SEMA6D: variants seen among roughly 807,000 people sequenced by gnomAD.
The protein encoded by SEMA6D is semaphorin-6D.
In SEMA6D, 35 loss-of-function variants were observed where a neutral mutation model predicts 106.6. The ratio of observed to expected loss-of-function variants is 0.33; its 90% CI spans 0.25 to 0.44. The LOEUF (loss-of-function observed/expected upper bound fraction) is 0.44, where lower values mean the gene tolerates loss of function less well. Ranked by LOEUF, SEMA6D falls within the 20% of genes least tolerant of loss-of-function variation. SEMA6D has a pLI of 1.00. For missense variants in SEMA6D, 1,185 were observed against 1,345.9 expected (o/e 0.88, Z 1.87); for synonymous variants, 499 against 487.7 (o/e 1.02, Z -0.31).
intron 1 of SEMA6D, among the ~76,000 whole-genome samples, chr15:47,721,343 C>T (rs1184534585): frequency 1.3e-5 from 2 of 152,162 alleles, no homozygotes; most frequent in South Asian, 2.1e-4. Context: ...GTGTAATTCA[C>T]GCATTGAATC....
intron 4 of SEMA6D, among the ~76,000 whole-genome samples, chr15:47,633,904 C>CT (rs1369580112): frequency 6.6e-6 from 1 of 152,176 alleles, no homozygotes; most frequent in African/African-American, 2.4e-5. Context: ...CATCTCCACT[C>CT]TACTACTGAG....
At chr15:47,716,449 C>T (rs912752134), upstream of SEMA6D, among the ~76,000 whole-genome samples, 4 of 152,136 alleles carry the variant, frequency 2.6e-5, no homozygotes, top group African/African-American at 9.7e-5. Flanking sequence ...CTTTCTGCGC[C>T]CCTCTCTTCT....
intron 3 of SEMA6D, among the ~76,000 whole-genome samples, chr15:47,508,687 G>A (rs532416692): frequency 6.6e-6 from 1 of 152,344 alleles, no homozygotes; most frequent in East Asian, 1.9e-4. Flanking sequence ...TCAAATGCAA[G>A]TGTAACCTCA....
At chr15:47,730,791 T>C (rs1204301381) in intron 1 of SEMA6D, 4 of 1,592,580 alleles carry the variant, frequency 2.5e-6, no homozygotes, top group Non-Finnish European at 3.4e-6. Context: ...GGGTGAGGTC[T>C]CTTTTGGGCT....
At chr15:47,661,099 C>T (rs1329287187) in intron 4 of SEMA6D, among the ~76,000 whole-genome samples, 1 of 152,212 alleles carries the variant, frequency 6.6e-6, no homozygotes, top group Non-Finnish European at 1.5e-5. Context: ...CACCTTGTTT[C>T]TTGCACATTT....
chr15:47,277,622 A>C (rs920623695), intron 1 of SEMA6D, among the ~76,000 whole-genome samples: 224 of 111,104 alleles, frequency 2.0e-3, no homozygotes, highest in Non-Finnish European at 3.8e-3. Context: ...ATTTATTATT[A>C]TTATTATACT....
rs2082383005 is a variant in SEMA6D, at chr15:47,767,062, A to G, written c.1734A>G (p.Pro578=). The G allele has an allele frequency of 6.4e-7, 1 of 1,571,706 alleles. No individual in the cohort carries two copies. The highest frequency in any genetic ancestry group is 8.6e-7 in the Non-Finnish European group (1 of 1,158,164). The change falls in exon 17 of 19, where the codon CCA becomes CCG. Residue 578 remains proline, a synonymous_variant. Transcript: ENST00000536845. ...AAATTTTGCCTACTTCAACTACACC[A>G]GATTACAAAATATTTGGCGGTCCAA... The part of the protein sequence containing the change: ...CHEILPTSTT[P]DYKIFGGPTS...
chr15:47,492,860 G>A (rs1442247694), intron 3 of SEMA6D, among the ~76,000 whole-genome samples: 1 of 152,108 alleles, frequency 6.6e-6, no homozygotes. Flanking sequence ...ATTTTTGATA[G>A]TTGTCTGAGT....
intron 1 of SEMA6D, among the ~76,000 whole-genome samples, chr15:47,194,449 G>T (rs776681742): frequency 6.6e-6 from 1 of 152,070 alleles, no homozygotes; most frequent in Non-Finnish European, 1.5e-5. Context: ...GGGAAATTGC[G>T]TGTGGGGGCT....
chr15:47,559,255 G>A (rs1484491509), intron 3 of SEMA6D, among the ~76,000 whole-genome samples: 1 of 151,940 alleles, frequency 6.6e-6, no homozygotes, highest in Non-Finnish European at 1.5e-5. Context: ...GAATGGGGAG[G>A]CAAACAAATT....
At chr15:47,299,584 A>G (rs1054378112) in intron 1 of SEMA6D, among the ~76,000 whole-genome samples, 3 of 152,354 alleles carry the variant, frequency 2.0e-5, no homozygotes, top group African/African-American at 4.8e-5. Context: ...TAAATTCAGC[A>G]TACATGGAGC....
At chr15:47,355,570 A>G (rs2038533871) in intron 1 of SEMA6D, among the ~76,000 whole-genome samples, 1 of 152,212 alleles carries the variant, frequency 6.6e-6, no homozygotes, top group African/African-American at 2.4e-5. Context: ...TAGTCTTTCT[A>G]GAGACAAACA....
intron 1 of SEMA6D, among the ~76,000 whole-genome samples, chr15:47,329,674 A>T (rs555091143): frequency 3.2e-4 from 49 of 152,142 alleles, no homozygotes; most frequent in Non-Finnish European, 4.9e-4. Context: ...TTCTTTTAGG[A>T]ATGGTCTTCA....
chr15:47,729,413 G>A (rs190222295), intron 1 of SEMA6D, among the ~76,000 whole-genome samples: 12 of 152,180 alleles, frequency 7.9e-5, no homozygotes, highest in Admixed American at 7.2e-4. Context: ...GATAACTGAA[G>A]GAACAAGGAG....
chr15:47,221,710 C>T (rs932020211), intron 1 of SEMA6D, among the ~76,000 whole-genome samples: 1 of 152,180 alleles, frequency 6.6e-6, no homozygotes, highest in African/African-American at 2.4e-5. Context: ...GTTTTCATGT[C>T]ATATTACAGA....
At chr15:47,215,342 A>G (rs1466417764) in intron 1 of SEMA6D, among the ~76,000 whole-genome samples, 1 of 151,912 alleles carries the variant, frequency 6.6e-6, no homozygotes, top group Non-Finnish European at 1.5e-5. Flanking sequence ...TTCTTTGTCC[A>G]CAGATATATT....
intron 1 of SEMA6D, among the ~76,000 whole-genome samples, chr15:47,373,647 G>A (rs2039353247): frequency 6.6e-6 from 1 of 152,128 alleles, no homozygotes; most frequent in African/African-American, 2.4e-5. Flanking sequence ...GTCCATATGT[G>A]ATGAGTAAGT....
intron 17 of SEMA6D, 189 bp downstream of exon 17, chr15:47,767,282 C>T (rs2082396120): frequency 2.1e-6 from 1 of 470,900 alleles, no homozygotes; most frequent in South Asian, 4.5e-5. Flanking sequence ...AGCATGTTAA[C>T]ACTTCATCAT....
At chr15:47,521,471 T>G (rs1312505234) in intron 3 of SEMA6D, among the ~76,000 whole-genome samples, 1 of 152,200 alleles carries the variant, frequency 6.6e-6, no homozygotes, top group East Asian at 1.9e-4. Flanking sequence ...CTACTTGCTG[T>G]GTGCCTATGC....
Sources: gnomAD v4.1 joint callset for allele counts (sites outside exome capture counted in the v4.1 genomes callset) on GRCh38, gnomAD v4.1.1 for gene constraint, MANE v1.5 for transcripts, NCBI Gene and HGNC (gene_info 2026-07-23, HGNC 2026-07-21) for gene names.